Variants in P2RY8 observed in about 807,000 individuals in gnomAD.
P2RY8 encodes S-geranylgeranyl-glutathione receptor P2RY8.
In P2RY8, 6 loss-of-function variants were observed where a neutral mutation model predicts 10.0. The ratio of observed to expected loss-of-function variants is 0.60; its 90% confidence interval spans 0.33 to 1.19. The LOEUF (loss-of-function observed/expected upper bound fraction) is 1.19. Among genes scored for constraint, P2RY8 ranks in the 50% most tolerant of loss-of-function variants. The pLI is 0.04. For missense variants in P2RY8, 456 were observed against 542.0 expected (o/e 0.84, Z 1.58); for synonymous variants, 276 against 252.5 (o/e 1.09, Z -0.88).
intron 1 of P2RY8, among the ~76,000 whole-genome samples, chrX:1,484,892 A>G (rs1352652523): frequency 6.6e-6 from 1 of 151,540 alleles, no homozygotes; most frequent in Non-Finnish European, 1.5e-5. Flanking sequence ...CATGTCATGC[A>G]CCAATTCTCC....
chrX:1,528,993 T>C (rs1300688869), intron 1 of P2RY8, among the ~76,000 whole-genome samples: 1 of 152,212 alleles, frequency 6.6e-6, no homozygotes, highest in Admixed American at 6.5e-5. Context: ...TGGGACAGTA[T>C]AAATGACGCT....
At chrX:1,523,416 C>T (rs1369467972) in intron 1 of P2RY8, among the ~76,000 whole-genome samples, 1 of 152,162 alleles carries the variant, frequency 6.6e-6, no homozygotes, top group Non-Finnish European at 1.5e-5. Flanking sequence ...CTGAGTTTCA[C>T]AATTCTTGCA....
chrX:1,526,308 A>G (rs2092439681), intron 1 of P2RY8, among the ~76,000 whole-genome samples: 1 of 150,826 alleles, frequency 6.6e-6, no homozygotes, highest in South Asian at 2.1e-4. Flanking sequence ...TTCCTTATCC[A>G]GCCGCTCATC....
At chrX:1,512,225 G>C (rs184455067) in intron 1 of P2RY8, among the ~76,000 whole-genome samples, 2 of 152,030 alleles carry the variant, frequency 1.3e-5, no homozygotes, top group African/African-American at 2.4e-5. Flanking sequence ...GCAGGCCCAC[G>C]GTATTAGTCT....
chrX:1,535,795 C>A (rs2092522037), intron 1 of P2RY8, among the ~76,000 whole-genome samples: 1 of 151,762 alleles, frequency 6.6e-6, no homozygotes, highest in Non-Finnish European at 1.5e-5. Context: ...CCATGGTTCC[C>A]CTTTATAGAA....
intron 1 of P2RY8, among the ~76,000 whole-genome samples, chrX:1,534,952 C>A (rs2092513534): frequency 6.6e-6 from 1 of 152,022 alleles, no homozygotes; most frequent in Non-Finnish European, 1.5e-5. Context: ...TGCAGCCAGG[C>A]GGGGACCTGG....
In P2RY8 at chrX:1,464,787, G is replaced by T. The variant is rs865935207; in HGVS notation, c.*692C>A. 4.3e-6 allele frequency: 1 copy of T among 232,706 alleles called. No individual in the cohort carries two copies. The highest frequency in any genetic ancestry group is 5.6e-5 in the Admixed American group (1 of 17,738). The allele number at this position is 232,706 out of a possible 1,614,324, so 14.4% of individuals were successfully genotyped here. ...ATCACCTTGGTCAGCAACAGGGTGG[G>T]GTGTGTGTGTGGGGGGAAGTGGGCA... On this transcript the variant is annotated 3_prime_UTR_variant, in exon 2 of 2. Transcript: ENST00000381297.
chrX:1,488,229 G>C (rs147688086), intron 1 of P2RY8, among the ~76,000 whole-genome samples: 1,663 of 152,296 alleles, frequency 0.011, 23 homozygotes, highest in Middle Eastern at 0.034. Context: ...GGCAGAACGA[G>C]CTGAGGAATC....
At chrX:1,514,116 G>A (rs2092320758) in intron 1 of P2RY8, among the ~76,000 whole-genome samples, 1 of 152,050 alleles carries the variant, frequency 6.6e-6, no homozygotes, top group Admixed American at 6.6e-5. Flanking sequence ...CCCACTTTTA[G>A]CCCTGAGGTT....
Position 1,465,452 on chromosome X carries a change from C to T in P2RY8, c.*27G>A, listed in dbSNP as rs2091652166. On this transcript the variant is annotated 3_prime_UTR_variant, in exon 2 of 2. Coordinates refer to ENST00000381297, the MANE Select transcript of P2RY8 (RefSeq NM_178129.5). Reference sequence around the variant, plus strand: ...CCCCTGGATCTCCAAGCTGCGCCCCCGGCTCTCCAAGCTGCGCCCCCGGGA... The same window carrying T: ...CCCCTGGATCTCCAAGCTGCGCCCCTGGCTCTCCAAGCTGCGCCCCCGGGA... 6.4e-6 allele frequency: 10 copies of T among 1,573,202 alleles called. No homozygotes were observed. Among genetic ancestry groups the T allele is most frequent in the South Asian group, 2.3e-5 (2 of 85,698 alleles).
intron 1 of P2RY8, among the ~76,000 whole-genome samples, chrX:1,467,773 C>G (rs1379412027): frequency 2.6e-5 from 4 of 152,178 alleles, no homozygotes; most frequent in African/African-American, 9.7e-5. Context: ...AACGCCTGGC[C>G]TCAAGCAATC....
intron 1 of P2RY8, among the ~76,000 whole-genome samples, chrX:1,521,520 G>A (rs779366345): frequency 6.6e-6 from 1 of 152,256 alleles, no homozygotes; most frequent in East Asian, 1.9e-4. Flanking sequence ...ATGGAACACG[G>A]CTTGCAACCA....
chrX:1,478,913 C>T (rs764467434), intron 1 of P2RY8, among the ~76,000 whole-genome samples: 2 of 152,164 alleles, frequency 1.3e-5, no homozygotes, highest in African/African-American at 4.8e-5. Context: ...TTCTGGTGGT[C>T]CCTCCCCACT....
rs1217150817 is a variant in P2RY8, at chrX:1,464,891, G to C, written c.*588C>G. 1 of 234,468 alleles carries C rather than the reference G, an allele frequency of 4.3e-6. No individual in the cohort carries two copies. The highest frequency in any genetic ancestry group is 2.2e-5 in the African/African-American group (1 of 45,336). 14.5% of individuals were successfully genotyped at this position (234,468 alleles called of 1,614,324 possible). ...CAACCACAGCAACCACAGTGCCCCT[G>C]AGTGAAATAAACAGAAATTTCGGCG... On this transcript the variant is annotated 3_prime_UTR_variant, in exon 2 of 2. Coordinates refer to ENST00000381297, the MANE Select transcript of P2RY8 (RefSeq NM_178129.5).
intron 1 of P2RY8, among the ~76,000 whole-genome samples, chrX:1,529,771 ATCTATCTATACCTT>A (rs1424874228): frequency 6.6e-6 from 1 of 151,916 alleles, no homozygotes; most frequent in African/African-American, 2.4e-5. Context: ...TCTGTCTGTC[ATCTATCTATACCTT>A]TCTAGCATTT....
At chrX:1,504,995 GGGCGTGGTGGCA>G (rs1195900634) in intron 1 of P2RY8, among the ~76,000 whole-genome samples, 78 of 152,060 alleles carry the variant, frequency 5.1e-4, no homozygotes, top group Non-Finnish European at 9.7e-4. Flanking sequence ...TAAATTAGCC[GGGCGTGGTGGCA>G]GGCGCCTGTA....
chrX:1,467,439 G>A (rs1300451439), intron 1 of P2RY8, among the ~76,000 whole-genome samples: 2 of 152,124 alleles, frequency 1.3e-5, no homozygotes, highest in African/African-American at 2.4e-5. Context: ...AGTTATGCAC[G>A]AGTCAGCACC....
In P2RY8 at chrX:1,509,099, GTATCTATCTATC is replaced by G. The variant is rs760585041; in HGVS notation, c.-25+27810_-25+27821del. Among the ~76,000 whole-genome samples, 1,343 of 138,370 alleles carry G rather than the reference GTATCTATCTATC, an allele frequency of 9.7e-3. 2 individuals carry two copies. The highest frequency in any genetic ancestry group is 0.026 in the African/African-American group (999 of 38,466). 90.8% of individuals were successfully genotyped at this position (138,370 alleles called of 152,430 possible). ...TCTATGTATCTATCTATGTATCTAT[GTATCTATCTATC>G]TATCTATCTATCTATCTATCTATCT... On this transcript the variant is annotated intron_variant, in intron 1 of 1. Transcript: ENST00000381297.
intron 1 of P2RY8, among the ~76,000 whole-genome samples, chrX:1,488,091 C>A (rs1175792134): frequency 6.7e-6 from 1 of 149,630 alleles, no homozygotes; most frequent in African/African-American, 2.5e-5. Context: ...GCCTGGCCAA[C>A]AAGAGCAAAA....
Sources: allele counts gnomAD v4.1 joint callset (sites outside exome capture counted in the v4.1 genomes callset), GRCh38; gene constraint gnomAD v4.1.1; transcripts MANE v1.5; gene names NCBI Gene and HGNC (gene_info 2026-07-23, HGNC 2026-07-21).